The following GANAB variants were observed in gnomAD, a reference collection of about 807,000 sequenced individuals.
The protein encoded by GANAB is glucosidase II alpha subunit.
Under a neutral mutation model 129.9 loss-of-function variants are expected in GANAB, and 35 were observed. That is an observed-to-expected ratio of 0.27 (90% CI 0.21 to 0.36). The LOEUF is 0.36. Ranked by LOEUF, GANAB falls within the 10% of genes least tolerant of loss-of-function variation. The pLI is 1.00. For synonymous variants in GANAB, 482 were observed against 451.8 expected (o/e 1.07, Z -0.85); for missense variants, 939 against 1,221.0 (o/e 0.77, Z 3.44).
At chr11:62,636,545 G>A (rs1943947245) in intron 4 of GANAB, among the ~76,000 whole-genome samples, 1 of 152,170 alleles carries the variant, frequency 6.6e-6, no homozygotes, top group South Asian at 2.1e-4. Flanking sequence ...GGCCAGGCAT[G>A]GTGGCTCATT....
At position 62,626,045 on chromosome 11, in the gene GANAB, G is replaced by A; in HGVS notation, c.2725+20C>T. The stretch of plus-strand genomic sequence containing the variant: ...GCTTCCCCTCCTTCCCCCATCCTAG[G>A]GGCCAGATTGGTCACTCACCTTTTG... On this transcript the variant is annotated intron_variant, in intron 23 of 23. Transcript: ENST00000356638. 4 of 1,580,222 alleles carry A rather than the reference G, an allele frequency of 2.5e-6. No homozygotes were observed. Among genetic ancestry groups the A allele is most frequent in the Non-Finnish European group, 3.5e-6 (4 of 1,149,100 alleles).
At chr11:62,630,309 T>C (rs944007088) in intron 12 of GANAB, 33 bp from the exon 13 acceptor site, 1 of 1,612,936 alleles carries the variant, frequency 6.2e-7, no homozygotes, top group Non-Finnish European at 8.5e-7. Flanking sequence ...CTCAATCCCC[T>C]AAGGGGCAAA....
At chr11:62,634,314 A>T in intron 5 of GANAB, 1 of 1,600,632 alleles carries the variant, frequency 6.2e-7, no homozygotes, top group East Asian at 2.2e-5. Context: ...ATTTACCTAG[A>T]GAAAAGGTTC....
chr11:62,629,496 C>T (rs981850718), intron 15 of GANAB, 92 bp downstream of exon 15: 6 of 896,688 alleles, frequency 6.7e-6, no homozygotes, highest in African/African-American at 1.7e-5. Context: ...CAGTGTGTGG[C>T]TCCCATTCCT....
chr11:62,630,842 G>C lies in GANAB; in HGVS notation c.1151-6C>G, dbSNP rs1275529302. 1 of 1,604,840 alleles carries C rather than the reference G, an allele frequency of 6.2e-7. No individual in the cohort carries two copies. The highest frequency in any genetic ancestry group is 2.2e-5 in the East Asian group (1 of 44,776). On this transcript the variant is annotated splice_region_variant and splice_polypyrimidine_tract_variant and intron_variant, in intron 10 of 23. Transcript: ENST00000356638. ...TGGGGGCAACGCCTGGGTTCCTGCA[G>C]GTTCATGAGGGATGGGGGTCACAAC...
Position 62,624,829 on chromosome 11 carries a change from T to C in GANAB, c.*986A>G. 1 of 211,710 alleles carries C rather than the reference T, an allele frequency of 4.7e-6. No homozygotes were observed. Among genetic ancestry groups the C allele is most frequent in the African/African-American group, 2.4e-5 (1 of 41,928 alleles). The allele number at this position is 211,710 out of a possible 1,614,324, so 13.1% of individuals were successfully genotyped here. ...CTAGAATCCAGACTACCACCAGTTA[T>C]TTATGGTTTATCCCTTTATTGTTTC... is the stretch of plus-strand genomic sequence containing the variant. On this transcript the variant is annotated 3_prime_UTR_variant, in exon 24 of 24. Coordinates refer to ENST00000356638, the MANE Select transcript of GANAB (RefSeq NM_198334.3).
At chr11:62,634,625 G>A (rs1943851633) in intron 5 of GANAB, 196 bp downstream of exon 5, 1 of 613,162 alleles carries the variant, frequency 1.6e-6, no homozygotes, top group African/African-American at 1.8e-5. Flanking sequence ...GGACAAAAGT[G>A]ACTGCCTCCT....
At chr11:62,629,717 A>G in intron 14 of GANAB, 33 bp from the exon 15 acceptor site, 2 of 1,604,352 alleles carry the variant, frequency 1.2e-6, no homozygotes, top group Non-Finnish European at 1.7e-6. Flanking sequence ...GGTAGTGAGG[A>G]GCAAAAGCCA....
intron 17 of GANAB, among the ~76,000 whole-genome samples, chr11:62,627,800 C>T (rs1332293968): frequency 6.6e-6 from 1 of 152,174 alleles, no homozygotes; most frequent in Admixed American, 6.5e-5. Context: ...GTCAGACAGT[C>T]GGGTTGGGGT....
Position 62,634,999 on chromosome 11 carries a change from G to A in GANAB, c.382C>T (p.Leu128Phe), listed in dbSNP as rs532590295. ...VLVADPPIAR[L>F]SVSGRDENSV... ...TTCTCATCACGACCAGAGACAGAAA[G>A]CCTGGGAAACATATCAAAAGAAATA... The change falls in exon 5 of 24, where the codon CTT becomes TTT. Residue 128 changes from leucine to phenylalanine, a missense_variant and splice_region_variant. Transcript: ENST00000356638. The A allele has an allele frequency of 1.5e-5, 24 of 1,607,260 alleles. No homozygotes were observed. Among genetic ancestry groups the A allele is most frequent in the Non-Finnish European group, 2.0e-5 (24 of 1,174,580 alleles).
At chr11:62,645,329 G>A (rs1345088372) in intron 1 of GANAB, among the ~76,000 whole-genome samples, 1 of 152,166 alleles carries the variant, frequency 6.6e-6, no homozygotes, top group African/African-American at 2.4e-5. Context: ...GAGGTCAAGA[G>A]ATCGAGATCA....
rs548485391 is a variant in GANAB at position 62,632,491 on chromosome 11, G to A, written c.996+74C>T. 48 of 1,147,584 alleles carry A rather than the reference G, an allele frequency of 4.2e-5. No individual in the cohort carries two copies. The Admixed American group carries it at 5.5e-4, about 13-fold the overall frequency. The allele number at this position is 1,147,584 out of a possible 1,614,324, so 71.1% of individuals were successfully genotyped here. On this transcript the variant is annotated intron_variant, in intron 9 of 23. Transcript: ENST00000356638. ...TAAACCCAGTCCCCAAATAGCTAATGCCCCTAGTATACCTATTTGCCTCAA... is the reference window on the plus strand; with the variant it reads ...TAAACCCAGTCCCCAAATAGCTAATACCCCTAGTATACCTATTTGCCTCAA...
rs566746900 is a variant in GANAB, at chr11:62,643,386, C to T, written c.38+3176G>A. Among the ~76,000 whole-genome samples the T allele has an allele frequency of 2.0e-4, 31 of 152,036 alleles. 1 individual carries two copies. In the South Asian group the frequency reaches 6.4e-3, roughly 32 times the overall value. On this transcript the variant is annotated intron_variant, in intron 1 of 23. Coordinates refer to ENST00000356638, the MANE Select transcript of GANAB (RefSeq NM_198334.3). ...GGCGTGGTGGCTCACACCTGTAATC[C>T]CAGCTCTTTGTGAAGCTGAGGCGGG...
chr11:62,629,520 C>G, intron 15 of GANAB, 68 bp downstream of exon 15: 1 of 1,046,250 alleles, frequency 9.6e-7, no homozygotes. Context: ...AGAGGCAGGT[C>G]CAGGTCCATG....
At chr11:62,632,928 A>G (rs568047868) in intron 8 of GANAB, 77 bp downstream of exon 8, 4 of 1,010,518 alleles carry the variant, frequency 4.0e-6, no homozygotes, top group East Asian at 4.7e-5. Context: ...AGAGTATCCA[A>G]TATGCACACC....
At chr11:62,632,814 A>G in intron 8 of GANAB, 69 bp from the exon 9 acceptor site, 1 of 1,254,256 alleles carries the variant, frequency 8.0e-7, no homozygotes, top group Non-Finnish European at 1.2e-6. Flanking sequence ...ACACCACTCC[A>G]CAGACACAGG....
intron 3 of GANAB, 37 bp downstream of exon 3, chr11:62,639,322 C>T: frequency 3.6e-6 from 5 of 1,395,650 alleles, no homozygotes; most frequent in Non-Finnish European, 5.1e-6. Flanking sequence ...ACAGCCATTG[C>T]CCCACCCCCA....
rs367678510 is a variant in GANAB at position 62,646,581 on chromosome 11, C to A, written c.19G>T (p.Val7Leu). The A allele has an allele frequency of 1.2e-6, 2 of 1,613,894 alleles. No homozygotes were observed. The highest frequency in any genetic ancestry group is 1.7e-6 in the Non-Finnish European group (2 of 1,179,974). Reference protein sequence around the residue: MAAVAAVAARRRRSWAS... With the variant: MAAVAALAARRRRSWAS... ...CCTCACCGCCTCCTACGCGCCGCCA[C>A]TGCCGCTACCGCCGCCATCTTGTGC... Residue 7 changes from valine (V) to leucine (L), a missense_variant, in exon 1 of 24, where the codon GTG becomes TTG. Coordinates refer to ENST00000356638, the MANE Select transcript of GANAB (RefSeq NM_198334.3).
intron 1 of GANAB, 38 bp downstream of exon 1, chr11:62,646,524 G>T: frequency 6.2e-7 from 1 of 1,609,074 alleles, no homozygotes; most frequent in Admixed American, 1.7e-5. Flanking sequence ...GGGATCTGGG[G>T]GCGTCCCGGG....
Sources: allele counts gnomAD v4.1 joint callset (sites outside exome capture counted in the v4.1 genomes callset), GRCh38; gene constraint gnomAD v4.1.1; transcripts MANE v1.5; gene names NCBI Gene and HGNC (gene_info 2026-07-23, HGNC 2026-07-21).